The following CTBP2 variants were observed in gnomAD, a reference collection of about 807,000 sequenced individuals.
The protein encoded by CTBP2 is C-terminal binding protein 2, also known as C-terminal-binding protein 2.
CTBP2 carries 30 observed loss-of-function variants against 80.3 expected under a neutral mutation model. The observed-to-expected ratio is 0.37, with a 90% CI of 0.28 to 0.51. The LOEUF is 0.51. Among genes scored for constraint, CTBP2 ranks in the 20% least tolerant of loss-of-function variants. The probability of loss-of-function intolerance (pLI) is 0.93; values close to 1 mark genes in which losing one functional copy is unlikely to be tolerated. For synonymous variants in CTBP2, 594 were observed against 587.4 expected (o/e 1.01, Z -0.16); for missense variants, 1,212 against 1,375.3 (o/e 0.88, Z 1.88).
chr10:125,052,844 T>C (rs1963091682), intron 2 of CTBP2, among the ~76,000 whole-genome samples: 1 of 152,174 alleles, frequency 6.6e-6, no homozygotes, highest in Non-Finnish European at 1.5e-5. Flanking sequence ...AATTGGGCGC[T>C]TGGATCAACT....
chr10:125,124,343 G>A (rs1001536678), intron 1 of CTBP2, among the ~76,000 whole-genome samples: 1 of 152,106 alleles, frequency 6.6e-6, no homozygotes, highest in African/African-American at 2.4e-5. Context: ...GTAACTCCCC[G>A]CTGGTTCAAA....
intron 1 of CTBP2, among the ~76,000 whole-genome samples, chr10:125,128,513 C>A (rs946285416): frequency 1.3e-5 from 2 of 152,202 alleles, no homozygotes; most frequent in African/African-American, 4.8e-5. Context: ...ACAGCTACAT[C>A]TTCCAGAGCA....
chr10:125,149,417 G>A (rs1693628), intron 1 of CTBP2, among the ~76,000 whole-genome samples: 134,136 of 152,194 alleles, frequency 0.88, 59,404 homozygotes, highest in African/African-American at 0.97. Context: ...CACTTAAAAT[G>A]GGCTGACTCT....
chr10:125,104,214 C>G (rs1851096668), intron 2 of CTBP2, among the ~76,000 whole-genome samples: 1 of 152,218 alleles, frequency 6.6e-6, no homozygotes, highest in Admixed American at 6.5e-5. Flanking sequence ...AAGGACGGAA[C>G]AGGAGGACCC....
At chr10:125,024,747 T>C (rs1957375024) in intron 1 of CTBP2, among the ~76,000 whole-genome samples, 1 of 152,190 alleles carries the variant, frequency 6.6e-6, no homozygotes, top group East Asian at 1.9e-4. Context: ...AATCAGTTGG[T>C]TGCAAAGAAA....
chr10:125,037,864 C>G (rs755310226), intron 3 of CTBP2, among the ~76,000 whole-genome samples: 2 of 152,222 alleles, frequency 1.3e-5, no homozygotes, highest in Non-Finnish European at 2.9e-5. Flanking sequence ...ATCATCTACT[C>G]ACACAGTGTC....
At chr10:125,088,029 T>A (rs1180605487) in intron 2 of CTBP2, among the ~76,000 whole-genome samples, 1 of 151,932 alleles carries the variant, frequency 6.6e-6, no homozygotes, top group Non-Finnish European at 1.5e-5. Context: ...CTTCAAATGG[T>A]CAAGGCACAG....
chr10:125,159,943 C>G (rs938382570), intron 1 of CTBP2: 1 of 153,764 alleles, frequency 6.5e-6, no homozygotes. Context: ...CCGGACGCCG[C>G]CGCGCTCGGG....
intron 1 of CTBP2, among the ~76,000 whole-genome samples, chr10:125,011,833 T>G (rs1019298894): frequency 9.9e-5 from 15 of 152,218 alleles, no homozygotes; most frequent in African/African-American, 3.6e-4. Flanking sequence ...GTTAGGTGCT[T>G]GAAAGTGTTT....
intron 2 of CTBP2, among the ~76,000 whole-genome samples, chr10:125,097,089 T>C (rs1236191576): frequency 3.9e-5 from 6 of 152,252 alleles, no homozygotes; most frequent in Non-Finnish European, 8.8e-5. Flanking sequence ...TTCTAAACTA[T>C]TACATGCCTC....
intron 1 of CTBP2, chr10:125,005,983 G>A: frequency 6.9e-7 from 1 of 1,455,086 alleles, no homozygotes; most frequent in South Asian, 1.5e-5. Context: ...AGCCGCTGAT[G>A]CGTCTGGGGA....
At chr10:125,127,736 C>G (rs529414267) in intron 1 of CTBP2, among the ~76,000 whole-genome samples, 2 of 152,164 alleles carry the variant, frequency 1.3e-5, no homozygotes, top group Non-Finnish European at 2.9e-5. Context: ...ATGCCCTATA[C>G]GCACCTCCCT....
chr10:125,099,042 T>C (rs1564915825), intron 2 of CTBP2, among the ~76,000 whole-genome samples: 1 of 151,650 alleles, frequency 6.6e-6, no homozygotes, highest in Admixed American at 6.6e-5. Flanking sequence ...AAGCATGGAG[T>C]CTAGGGAGAC....
intron 1 of CTBP2, among the ~76,000 whole-genome samples, chr10:125,123,689 C>G (rs549066518): frequency 6.6e-6 from 1 of 152,260 alleles, no homozygotes; most frequent in South Asian, 2.1e-4. Flanking sequence ...CCCCAGGGGC[C>G]CCGGGGTGCA....
Position 125,118,876 on chromosome 10 carries a change from G to A in CTBP2, c.-205-7783C>T, listed in dbSNP as rs116769445. The stretch of plus-strand genomic sequence containing the variant: ...AAGGTATCCGTCTCTAGTCTTCCAT[G>A]GTTCCACACTGTAAGTGGACAAGGC... On this transcript the variant is annotated intron_variant, in intron 1 of 10. Transcript: ENST00000337195. Among the ~76,000 whole-genome samples, 545 of 152,340 alleles carry A rather than the reference G, an allele frequency of 3.6e-3. 4 individuals are homozygous for A. Among genetic ancestry groups the A allele is most frequent in the African/African-American group, 0.012 (513 of 41,580 alleles).
At chr10:125,099,075 A>G (rs936248227) in intron 2 of CTBP2, among the ~76,000 whole-genome samples, 4 of 152,228 alleles carry the variant, frequency 2.6e-5, no homozygotes, top group Admixed American at 2.0e-4. Flanking sequence ...CCATCATACT[A>G]GCACACGGTC....
chr10:125,158,001 A>AT (rs1374275290), intron 1 of CTBP2, among the ~76,000 whole-genome samples: 1 of 152,250 alleles, frequency 6.6e-6, no homozygotes, highest in African/African-American at 2.4e-5. Context: ...AAAGAAAAAA[A>AT]TTCTGTTTCA....
At position 125,063,469 on chromosome 10, in the gene CTBP2, G is replaced by A. The variant is rs139188236; in HGVS notation, c.-101-24314C>T. Among the ~76,000 whole-genome samples, 329 of 152,222 alleles carry A rather than the reference G, an allele frequency of 2.2e-3. 2 individuals are homozygous for A. The highest frequency in any genetic ancestry group is 7.5e-3 in the African/African-American group (311 of 41,506). ...CCCCAGGATAACACCCAAACACGTC[G>A]ACTCGTGCGAAAGGCCTCATGCACG... On this transcript the variant is annotated intron_variant, in intron 2 of 10. Transcript: ENST00000337195.
At chr10:125,104,352 C>T (rs758294591) in intron 2 of CTBP2, among the ~76,000 whole-genome samples, 23 of 152,186 alleles carry the variant, frequency 1.5e-4, no homozygotes, top group Non-Finnish European at 2.8e-4. Context: ...ATTAACATTT[C>T]CCCCTAATGT....
Sources: allele counts gnomAD v4.1 joint callset (sites outside exome capture counted in the v4.1 genomes callset), GRCh38; gene constraint gnomAD v4.1.1; transcripts MANE v1.5; gene names NCBI Gene and HGNC (gene_info 2026-07-23, HGNC 2026-07-21).